Variants in PREX2 observed in about 807,000 individuals in gnomAD.
The protein encoded by PREX2 is phosphatidylinositol 3,4,5-trisphosphate-dependent Rac exchanger 2 protein.
A neutral mutation model predicts 203.2 loss-of-function variants in PREX2; 107 were observed. That is an observed-to-expected ratio of 0.53 (90% CI 0.45 to 0.62). The LOEUF is 0.62. Among genes scored for constraint, PREX2 ranks in the 20% least tolerant of loss-of-function variants. The probability of loss-of-function intolerance (pLI) is 0.00; values close to 1 mark genes in which losing one functional copy is unlikely to be tolerated. For synonymous variants in PREX2, 672 were observed against 663.6 expected, an observed-to-expected ratio of 1.01 and a Z score of -0.19; for missense variants, 1,777 against 1,955.9, an observed-to-expected ratio of 0.91 and a Z score of 1.72.
intron 17 of PREX2, among the ~76,000 whole-genome samples, chr8:68,081,524 T>A (rs775938551): frequency 2.0e-5 from 3 of 152,296 alleles, no homozygotes; most frequent in African/African-American, 7.2e-5. Flanking sequence ...CCGTGGAGAC[T>A]GCATAGGGTA....
chr8:68,077,848 T>C (rs200434777), intron 15 of PREX2, among the ~76,000 whole-genome samples: 1 of 152,298 alleles, frequency 6.6e-6, no homozygotes, highest in Admixed American at 6.5e-5. Flanking sequence ...TTAGAATGAA[T>C]AAATGACAGC....
chr8:68,026,972 T>C (rs1807737525), intron 4 of PREX2, among the ~76,000 whole-genome samples: 1 of 152,138 alleles, frequency 6.6e-6, no homozygotes, highest in African/African-American at 2.4e-5. Context: ...CCCATCTCTT[T>C]TTCCTCAGAC....
At chr8:68,122,035 T>C (rs1414890545) in intron 30 of PREX2, among the ~76,000 whole-genome samples, 2 of 152,146 alleles carry the variant, frequency 1.3e-5, no homozygotes, top group Non-Finnish European at 2.9e-5. Context: ...GTTATTACCT[T>C]AAGTGGGGTA....
chr8:68,209,102 G>T (rs972968507), intron 37 of PREX2, among the ~76,000 whole-genome samples: 8 of 145,910 alleles, frequency 5.5e-5, no homozygotes, highest in African/African-American at 2.0e-4. Context: ...AAAGAAAAAA[G>T]AAAAAAAGGA....
chr8:67,969,955 A>C (rs1805879177), intron 1 of PREX2, among the ~76,000 whole-genome samples: 1 of 152,162 alleles, frequency 6.6e-6, no homozygotes, highest in Non-Finnish European at 1.5e-5. Context: ...CCGGTCTGAA[A>C]ATTTCTATAA....
intron 19 of PREX2, 121 bp downstream of exon 19, chr8:68,087,930 T>G (rs878992481): frequency 1.4e-5 from 11 of 767,402 alleles, no homozygotes; most frequent in Admixed American, 1.3e-4. Flanking sequence ...ATATTTTCAC[T>G]GTATTAACTC....
chr8:68,230,783 T>G (rs1813153077), intron 39 of PREX2, among the ~76,000 whole-genome samples: 1 of 152,086 alleles, frequency 6.6e-6, no homozygotes, highest in South Asian at 2.1e-4. Context: ...GCTGGGTAAT[T>G]TATCCTTAGG....
At chr8:67,955,939 T>G (rs527475182) in intron 1 of PREX2, among the ~76,000 whole-genome samples, 7 of 152,242 alleles carry the variant, frequency 4.6e-5, no homozygotes, top group Non-Finnish European at 8.8e-5. Flanking sequence ...GTACCTGCCT[T>G]TAAAACAGAA....
chr8:68,089,275 G>A (rs934425228), intron 19 of PREX2, among the ~76,000 whole-genome samples: 2 of 152,058 alleles, frequency 1.3e-5, no homozygotes, highest in East Asian at 1.9e-4. Flanking sequence ...TACTGGGCCC[G>A]TATTACTACT....
chr8:68,035,307 A>C (rs1807997278), intron 6 of PREX2, among the ~76,000 whole-genome samples: 1 of 152,132 alleles, frequency 6.6e-6, no homozygotes, highest in South Asian at 2.1e-4. Flanking sequence ...ATTCTCTTTG[A>C]AGCACATTCT....
At chr8:68,150,757 C>T (rs927013554) in intron 34 of PREX2, among the ~76,000 whole-genome samples, 1 of 152,100 alleles carries the variant, frequency 6.6e-6, no homozygotes, top group Non-Finnish European at 1.5e-5. Context: ...GGAAATGATG[C>T]GTTCATTTCC....
Position 68,097,014 on chromosome 8 carries a change from C to G in PREX2, c.2369-3C>G. 1 of 1,611,658 alleles carries G rather than the reference C, an allele frequency of 6.2e-7. No individual in the cohort carries two copies. Among genetic ancestry groups the G allele is most frequent in the Non-Finnish European group, 8.5e-7 (1 of 1,178,200 alleles). Reference sequence around the variant, plus strand: ...TACTGAGTTACAGTTGTCTTTGTTCCAGAGGTTATTGACAAATTCAACACT... The same window carrying G: ...TACTGAGTTACAGTTGTCTTTGTTCGAGAGGTTATTGACAAATTCAACACT... On this transcript the variant is annotated splice_region_variant and splice_polypyrimidine_tract_variant and intron_variant, in intron 21 of 39. Coordinates refer to ENST00000288368, the MANE Select transcript of PREX2 (RefSeq NM_024870.4).
rs909698500 is a variant in PREX2, at chr8:68,082,974, CAG to C, written c.1879-264_1879-263del. On this transcript the variant is annotated intron_variant, in intron 17 of 39. Transcript: ENST00000288368. ...TAAGCTAAAGAACAGTAAAATATAA[CAG>C]AAGAGGGGAGTAGGATGTTAAGTCA... 100 of 301,674 alleles carry C rather than the reference CAG, an allele frequency of 3.3e-4. 1 individual carries two copies. The highest frequency in any genetic ancestry group is 3.2e-4 in the Admixed American group (7 of 21,980). 18.7% of individuals were successfully genotyped at this position (301,674 alleles called of 1,614,324 possible).
At chr8:68,028,803 C>T (rs879304150) in intron 5 of PREX2, among the ~76,000 whole-genome samples, 1 of 152,064 alleles carries the variant, frequency 6.6e-6, no homozygotes, top group Non-Finnish European at 1.5e-5. Context: ...TAAAAGGTTA[C>T]ATCATGACAA....
chr8:67,983,808 G>A (rs1806336206), intron 1 of PREX2, among the ~76,000 whole-genome samples: 1 of 152,162 alleles, frequency 6.6e-6, no homozygotes, highest in Non-Finnish European at 1.5e-5. Flanking sequence ...CACATGGCTG[G>A]GATCAAAGCT....
chr8:68,083,890 A>G (rs1396037256), intron 18 of PREX2, among the ~76,000 whole-genome samples: 3 of 152,232 alleles, frequency 2.0e-5, no homozygotes, highest in Non-Finnish European at 4.4e-5. Flanking sequence ...ATGATTAGAA[A>G]AAAAGTTATG....
At chr8:67,986,622 A>G (rs566616994) in intron 1 of PREX2, among the ~76,000 whole-genome samples, 11 of 152,268 alleles carry the variant, frequency 7.2e-5, no homozygotes, top group African/African-American at 2.6e-4. Flanking sequence ...TATCACTTCT[A>G]TCATATAGTG....
chr8:68,125,086 C>A (rs2129613202), intron 30 of PREX2, among the ~76,000 whole-genome samples: 1 of 152,172 alleles, frequency 6.6e-6, no homozygotes, highest in East Asian at 1.9e-4. Flanking sequence ...GCTACCATTT[C>A]CTGGTAATCT....
intron 1 of PREX2, among the ~76,000 whole-genome samples, chr8:67,990,212 C>T (rs1279284748): frequency 6.6e-6 from 1 of 151,950 alleles, no homozygotes; most frequent in Non-Finnish European, 1.5e-5. Flanking sequence ...TCTTGAACTC[C>T]TGCCCTCAAG....
Sources: gnomAD v4.1 joint callset for allele counts (sites outside exome capture counted in the v4.1 genomes callset) on GRCh38, gnomAD v4.1.1 for gene constraint, MANE v1.5 for transcripts, NCBI Gene and HGNC (gene_info 2026-07-23, HGNC 2026-07-21) for gene names.